EPB41L3: variants seen among roughly 807,000 people sequenced by gnomAD.
EPB41L3 encodes band 4.1-like protein 3.
A neutral mutation model predicts 127.1 loss-of-function variants in EPB41L3; 57 were observed. That is an observed-to-expected ratio of 0.45 (90% CI 0.36 to 0.56). The LOEUF is 0.56. Among genes scored for constraint, EPB41L3 ranks in the 20% least tolerant of loss-of-function variants. The pLI, the probability that EPB41L3 is intolerant of heterozygous loss-of-function variation, is 0.00. For missense variants in EPB41L3, 1,273 were observed against 1,372.2 expected, an observed-to-expected ratio of 0.93 and a Z score of 1.14; for synonymous variants, 572 against 549.5, an observed-to-expected ratio of 1.04 and a Z score of -0.57.
intron 3 of EPB41L3, among the ~76,000 whole-genome samples, chr18:5,551,451 A>G (rs1168504178): frequency 2.0e-5 from 3 of 152,180 alleles, no homozygotes; most frequent in Non-Finnish European, 2.9e-5. Flanking sequence ...AAGGCTGGGC[A>G]CGGTGGCTCG....
At chr18:5,526,870 T>C (rs1296788576) in intron 1 of EPB41L3, among the ~76,000 whole-genome samples, 2 of 152,174 alleles carry the variant, frequency 1.3e-5, no homozygotes, top group Non-Finnish European at 2.9e-5. Context: ...AACTCTCGCT[T>C]ATCTACTTGG....
At chr18:5,444,977 C>T (rs2081279587) in intron 4 of EPB41L3, among the ~76,000 whole-genome samples, 163 bp downstream of exon 4, 1 of 152,124 alleles carries the variant, frequency 6.6e-6, no homozygotes, top group Non-Finnish European at 1.5e-5. Context: ...TGATTTCCTT[C>T]ATCAAGGAAT....
intron 3 of EPB41L3, among the ~76,000 whole-genome samples, chr18:5,465,034 C>A (rs2084705518): frequency 6.6e-6 from 1 of 152,180 alleles, no homozygotes; most frequent in South Asian, 2.1e-4. Context: ...TAATTACTTT[C>A]AAAATATATT....
chr18:5,612,813 T>C (rs1413862495), intron 2 of EPB41L3, among the ~76,000 whole-genome samples: 1 of 152,222 alleles, frequency 6.6e-6, no homozygotes, highest in Non-Finnish European at 1.5e-5. Flanking sequence ...CAATCTTGGC[T>C]CACTGTAATC....
At chr18:5,556,571 C>T (rs1370231611) in intron 3 of EPB41L3, among the ~76,000 whole-genome samples, 4 of 152,166 alleles carry the variant, frequency 2.6e-5, no homozygotes, top group Admixed American at 2.6e-4. Context: ...TCCCTGGATG[C>T]CAGTGATTAA....
intron 3 of EPB41L3, among the ~76,000 whole-genome samples, chr18:5,611,079 C>A (rs534164286): frequency 1.3e-5 from 2 of 152,322 alleles, no homozygotes. Context: ...ATCCTCAGGT[C>A]CACTCAGGCC....
At chr18:5,444,007 G>A in intron 4 of EPB41L3, 127 bp from the exon 5 acceptor site, 1 of 745,452 alleles carries the variant, frequency 1.3e-6, no homozygotes, top group Non-Finnish European at 2.2e-6. Flanking sequence ...CCCTTACTGT[G>A]GTCCTTCCCC....
At chr18:5,400,737 C>T (rs2074371956) in intron 16 of EPB41L3, 1 of 554,440 alleles carries the variant, frequency 1.8e-6, no homozygotes, top group African/African-American at 1.9e-5. Flanking sequence ...TGACAACATA[C>T]AGAGAAAAAT....
upstream of EPB41L3, among the ~76,000 whole-genome samples, chr18:5,548,174 C>T (rs2093912020): frequency 6.6e-6 from 1 of 152,176 alleles, no homozygotes; most frequent in Non-Finnish European, 1.5e-5. Flanking sequence ...TCTTCAGCCA[C>T]AGCGTTACTG....
chr18:5,628,542 G>GC (rs1324360067), intron 1 of EPB41L3, among the ~76,000 whole-genome samples: 2 of 152,186 alleles, frequency 1.3e-5, no homozygotes, highest in East Asian at 3.9e-4. Flanking sequence ...ACCCGCCAGA[G>GC]CCCGGCGTCT....
intron 1 of EPB41L3, among the ~76,000 whole-genome samples, chr18:5,492,885 C>T (rs542298453): frequency 2.6e-5 from 4 of 152,132 alleles, no homozygotes; most frequent in Admixed American, 6.5e-5. Flanking sequence ...ATATCCCTCT[C>T]TCAGGAATAT....
In EPB41L3 at chr18:5,397,413, T is replaced by G. The variant is rs746231466; in HGVS notation, c.2486A>C (p.Lys829Thr). Residue 829 changes from lysine (K) to threonine (T), a missense_variant, in exon 18 of 23, where the codon AAG (lysine) becomes ACG (threonine). Lys to Thr is a moderately conservative substitution (Grantham distance 78). Around this residue, in one of 3 missense-constraint regions of EPB41L3, gnomAD observed 765 missense variants for 782.9 expected, o/e 0.98. Transcript: ENST00000341928. This position sits in a 1 kb window ranked among gnomAD's most constrained non-coding sequence, Gnocchi z 4.1. Reference sequence around the variant, plus strand: ...CGTCTCTATTCCACTGGACTCCGTCTTGGTTTCCATTTTCTGCATGGGAAG... The same window carrying G: ...CGTCTCTATTCCACTGGACTCCGTCGTGGTTTCCATTTTCTGCATGGGAAG... ...SQSWVQKMETKTESSGIETEP... is the reference protein window; with the variant it reads ...SQSWVQKMETTTESSGIETEP... 272 of 1,607,070 alleles carry G rather than the reference T, an allele frequency of 1.7e-4. No homozygotes were observed. Among genetic ancestry groups the G allele is most frequent in the Non-Finnish European group, 2.1e-4 (247 of 1,175,850 alleles).
At chr18:5,396,154 G>C (rs1248383648) in intron 19 of EPB41L3, 47 bp downstream of exon 19, 10 of 1,610,802 alleles carry the variant, frequency 6.2e-6, no homozygotes, top group Non-Finnish European at 8.5e-7. Context: ...AGGCCATAGA[G>C]GGGTGAAATA....
At chr18:5,407,847 G>T in intron 14 of EPB41L3, 111 bp from the exon 15 acceptor site, 1 of 862,690 alleles carries the variant, frequency 1.2e-6, no homozygotes, top group Non-Finnish European at 1.9e-6. Flanking sequence ...GTACGCTCTT[G>T]CATATGGATG....
At chr18:5,540,990 C>G (rs1388257157) in intron 1 of EPB41L3, among the ~76,000 whole-genome samples, 2 of 149,132 alleles carry the variant, frequency 1.3e-5, no homozygotes, top group Non-Finnish European at 3.0e-5. Flanking sequence ...GAGGCTGAGG[C>G]AGGAGAATGG....
chr18:5,415,694 A>G (rs2076706536), intron 13 of EPB41L3, 124 bp downstream of exon 13: 4 of 1,040,316 alleles, frequency 3.8e-6, no homozygotes, highest in Non-Finnish European at 5.5e-6. Context: ...AAACCTCAAC[A>G]TATTGGCACA....
intron 15 of EPB41L3, 57 bp downstream of exon 15, chr18:5,407,644 T>A (rs2075622897): frequency 6.4e-7 from 1 of 1,567,622 alleles, no homozygotes; most frequent in Non-Finnish European, 8.8e-7. Flanking sequence ...AAACAATGAC[T>A]TATCACACAC....
chr18:5,431,879 TTTG>T (rs2079054711), intron 8 of EPB41L3, among the ~76,000 whole-genome samples: 1 of 152,184 alleles, frequency 6.6e-6, no homozygotes, highest in South Asian at 2.1e-4. Context: ...AGAAAACATC[TTTG>T]TTATCTGAGT....
chr18:5,488,304 T>A (rs2090112288), intron 2 of EPB41L3, among the ~76,000 whole-genome samples: 1 of 151,454 alleles, frequency 6.6e-6, no homozygotes, highest in Non-Finnish European at 1.5e-5. Flanking sequence ...CTTAGCAAAC[T>A]AACACAGGAA....
Sources: allele counts gnomAD v4.1 joint callset (sites outside exome capture counted in the v4.1 genomes callset), GRCh38; gene constraint gnomAD v4.1.1; regional missense constraint gnomAD v4.1.1; non-coding constraint Gnocchi (gnomAD v3.1); transcripts MANE v1.5; gene names NCBI Gene and HGNC (gene_info 2026-07-23, HGNC 2026-07-21).